The following PGBD1 variants were observed in gnomAD, a reference collection of about 807,000 sequenced individuals.
PGBD1 encodes piggyBac transposable element derived 1.
PGBD1 carries 25 observed loss-of-function variants against 34.7 expected under a neutral mutation model. The ratio of observed to expected loss-of-function variants is 0.72; its 90% CI spans 0.52 to 1.00. PGBD1 has a LOEUF of 1.00. Ranked by LOEUF, PGBD1 falls within the 50% of genes least tolerant of loss-of-function variation. The probability of loss-of-function intolerance (pLI) is 0.00; values close to 1 mark genes in which losing one functional copy is unlikely to be tolerated. For missense variants in PGBD1, 830 were observed against 959.4 expected (o/e 0.87, Z 1.78); for synonymous variants, 292 against 335.7 (o/e 0.87, Z 1.42).
At chr6:28,290,054 AG>A (rs1046471910) in intron 4 of PGBD1, among the ~76,000 whole-genome samples, 15 of 152,302 alleles carry the variant, frequency 9.8e-5, no homozygotes, top group African/African-American at 3.6e-4. Context: ...ATAGCAACAA[AG>A]GAAGGCATAC....
intron 4 of PGBD1, 145 bp downstream of exon 4, chr6:28,287,313 A>G: frequency 1.4e-6 from 1 of 709,674 alleles, no homozygotes; most frequent in Non-Finnish European, 2.5e-6. Context: ...TTGTCACAGA[A>G]TATCACAAAG....
chr6:28,290,408 T>C (rs894307747), intron 4 of PGBD1, among the ~76,000 whole-genome samples: 2 of 152,122 alleles, frequency 1.3e-5, no homozygotes, highest in African/African-American at 2.4e-5. Context: ...ATATAACAAT[T>C]ATAAATACCT....
chr6:28,285,482 A>G (rs1762257276), intron 2 of PGBD1, 69 bp from the exon 3 acceptor site: 14 of 1,493,058 alleles, frequency 9.4e-6, no homozygotes, highest in Admixed American at 2.0e-5. Context: ...CAGCATGTAG[A>G]ACAGTGCCAG....
At chr6:28,284,888 G>A (rs1762241075) in intron 2 of PGBD1, among the ~76,000 whole-genome samples, 1 of 152,088 alleles carries the variant, frequency 6.6e-6, no homozygotes, top group Non-Finnish European at 1.5e-5. Context: ...ATCAAGTTTA[G>A]GGAAATTAAA....
chr6:28,287,012 G>A lies in PGBD1; in HGVS notation c.554-68G>A, dbSNP rs1375097188. The A allele has an allele frequency of 1.0e-5, 12 of 1,184,414 alleles. No individual in the cohort carries two copies. The East Asian group carries it at 2.8e-4, about 28-fold the overall frequency. The allele number at this position is 1,184,414 out of a possible 1,614,324, so 73.4% of individuals were successfully genotyped here. ...ACATAACATTTGGGGGAAAAGGCTG[G>A]GTCTCCAAAAAGGGTACCCTAAAGG... On this transcript the variant is annotated intron_variant, in intron 3 of 6. Transcript: ENST00000682144.
chr6:28,294,745 G>A (rs1163983870), intron 4 of PGBD1, among the ~76,000 whole-genome samples: 1 of 152,154 alleles, frequency 6.6e-6, no homozygotes, highest in East Asian at 1.9e-4. Context: ...AAGAAAAAAA[G>A]ATTTCTTTGA....
At chr6:28,297,354 C>T (rs1275148453) in intron 5 of PGBD1, among the ~76,000 whole-genome samples, 1 of 152,160 alleles carries the variant, frequency 6.6e-6, no homozygotes, top group Non-Finnish European at 1.5e-5. Context: ...TCTCTAAGAA[C>T]ACGACAGTTC....
intron 4 of PGBD1, among the ~76,000 whole-genome samples, chr6:28,289,999 C>T (rs1374976856): frequency 8.6e-5 from 13 of 152,036 alleles, no homozygotes; most frequent in African/African-American, 2.7e-4. Flanking sequence ...CTTTGTAAGC[C>T]TCATGATAAC....
chr6:28,297,845 T>TTTTTAAAAATAAAAAAA, intron 5 of PGBD1, 50 bp from the exon 6 acceptor site: 1 of 283,634 alleles, frequency 3.5e-6, no homozygotes, highest in Non-Finnish European at 6.6e-6. Flanking sequence ...TTTTTTTTTT[T>TTTTTAAAAATAAAAAAA]CAAAATTCAC....
intron 4 of PGBD1, among the ~76,000 whole-genome samples, chr6:28,288,014 C>T (rs528139789): frequency 6.6e-5 from 10 of 152,216 alleles, no homozygotes; most frequent in African/African-American, 1.9e-4. Context: ...GAAATAACAA[C>T]GTAGTCAGGT....
In PGBD1 at chr6:28,301,148, TTCAAC is replaced by T. The variant is rs1762826157; in HGVS notation, c.1296_1300del (p.Leu434CysfsTer3). ...TGAATTATTTTTTGATGATGAAACA[TTCAAC>T]TTAATTGTCAATGAAACCAATAATT... On this transcript the variant is annotated frameshift_variant, in exon 7 of 7. Transcript: ENST00000682144. LOFTEE classifies it low-confidence loss of function (END_TRUNC). 1 of 1,614,084 alleles carries T rather than the reference TTCAAC, an allele frequency of 6.2e-7. No individual in the cohort carries two copies. Among genetic ancestry groups the T allele is most frequent in the African/African-American group, 1.3e-5 (1 of 74,926 alleles).
At position 28,281,587 on chromosome 6, in the gene PGBD1, C is replaced by G. The variant is rs1461998205; in HGVS notation, c.-370C>G. Reference sequence around the variant, plus strand: ...AGAAGCTTTTGTACCCGCCCAGCTGCTGGAGGCGCCGGCAGCGCCCGCCAG... The same window carrying G: ...AGAAGCTTTTGTACCCGCCCAGCTGGTGGAGGCGCCGGCAGCGCCCGCCAG... On this transcript the variant is annotated 5_prime_UTR_variant, in exon 1 of 7. Transcript: ENST00000682144. 5 of 388,186 alleles carry G rather than the reference C, an allele frequency of 1.3e-5. No individual in the cohort carries two copies. Among genetic ancestry groups the G allele is most frequent in the African/African-American group, 1.0e-4 (5 of 48,432 alleles). 24.0% of individuals were successfully genotyped at this position (388,186 alleles called of 1,614,324 possible). A position where few individuals can be genotyped will look rare whatever the true frequency, so the allele number is the denominator to read the frequency against.
Position 28,281,615 on chromosome 6 carries a change from C to A in PGBD1, c.-342C>A, listed in dbSNP as rs964756082. ...GAGGCGCCGGCAGCGCCCGCCAGAC[C>A]CGCCAGCCCAGCGGCCCGGGCTCTG... On this transcript the variant is annotated 5_prime_UTR_variant, in exon 1 of 7. Transcript: ENST00000682144. The A allele has an allele frequency of 1.0e-5, 4 of 382,814 alleles. No homozygotes were observed. Among genetic ancestry groups the A allele is most frequent in the Non-Finnish European group, 1.8e-5 (4 of 216,698 alleles). 23.7% of individuals were successfully genotyped at this position (382,814 alleles called of 1,614,324 possible).
rs199791488 is a variant in PGBD1, at chr6:28,302,014, C to A, written c.2160C>A (p.Ile720=). 24 of 1,614,040 alleles carry A rather than the reference C, an allele frequency of 1.5e-5. No individual in the cohort carries two copies. Among genetic ancestry groups the A allele is most frequent in the Admixed American group, 1.7e-5 (1 of 60,006 alleles). The change falls in exon 7 of 7, where the codon ATC becomes ATA. Residue 720 remains isoleucine (I), a synonymous_variant. Coordinates refer to ENST00000682144, the MANE Select transcript of PGBD1 (RefSeq NM_032507.4). ...VSCCDADNEE[I]PQISQPSIVK... ...GTTGTGATGCTGATAACGAAGAAAT[C>A]CCTCAGATAAGTCAACCATCCATAG...
At chr6:28,299,237 TA>T (rs143736838) in intron 6 of PGBD1, among the ~76,000 whole-genome samples, 3,650 of 152,270 alleles carry the variant, frequency 0.024, 85 homozygotes, top group African/African-American at 0.066. Flanking sequence ...GATATTCATA[TA>T]ACAAAAAGTG....
chr6:28,289,716 A>G (rs1762390125), intron 4 of PGBD1, among the ~76,000 whole-genome samples: 1 of 152,218 alleles, frequency 6.6e-6, no homozygotes, highest in Admixed American at 6.5e-5. Flanking sequence ...CCCAGGCAAC[A>G]TGGTAAGATC....
At chr6:28,295,852 G>A (rs1762612716) in intron 4 of PGBD1, among the ~76,000 whole-genome samples, 1 of 152,036 alleles carries the variant, frequency 6.6e-6, no homozygotes, top group African/African-American at 2.4e-5. Flanking sequence ...AAATGAGGTG[G>A]GCTTTGCCTT....
intron 3 of PGBD1, 51 bp downstream of exon 3, chr6:28,285,758 C>T (rs1023398623): frequency 6.4e-7 from 1 of 1,560,082 alleles, no homozygotes; most frequent in South Asian, 1.2e-5. Context: ...GCCACTGACA[C>T]TTGCACAGCC....
Position 28,287,153 on chromosome 6 carries a change from C to A in PGBD1, c.627C>A (p.Asn209Lys). The A allele has an allele frequency of 1.2e-6, 2 of 1,613,496 alleles. No homozygotes were observed. Among genetic ancestry groups the A allele is most frequent in the Non-Finnish European group, 8.5e-7 (1 of 1,179,470 alleles). Residue 209 changes from asparagine to lysine, a missense_variant, in exon 4 of 7, where the codon AAC becomes AAA. This residue lies in a region of PGBD1 where 457 missense variants were observed against 515.4 expected (regional missense o/e 0.89). Transcript: ENST00000682144. ...ACAAGGCTGTAGTGCCTGTGTTTAA[C>A]CCAGTCAGGTCCCAGGTAAGTAGGA... ...PRDKAVVPVF[N>K]PVRSQTLVKT...
Sources: allele counts gnomAD v4.1 joint callset (sites outside exome capture counted in the v4.1 genomes callset), GRCh38; gene constraint gnomAD v4.1.1; regional missense constraint gnomAD v4.1.1; transcripts MANE v1.5; gene names NCBI Gene and HGNC (gene_info 2026-07-23, HGNC 2026-07-21).